The following ANK2 variants were observed in gnomAD, a reference collection of about 807,000 sequenced individuals.
ANK2 encodes ankyrin-2.
ANK2 carries 83 observed loss-of-function variants against 360.5 expected under a neutral mutation model. That is an observed-to-expected ratio of 0.23 (90% CI 0.19 to 0.28). ANK2 has a LOEUF of 0.28. Among genes scored for constraint, ANK2 ranks in the 10% least tolerant of loss-of-function variants. The pLI, the probability that ANK2 is intolerant of heterozygous loss-of-function variation, is 1.00. For missense variants in ANK2, 4,201 were observed against 4,795.7 expected, an observed-to-expected ratio of 0.88 and a Z score of 3.66; for synonymous variants, 1,740 against 1,759.5, an observed-to-expected ratio of 0.99 and a Z score of 0.28.
intron 1 of ANK2, among the ~76,000 whole-genome samples, chr4:113,148,628 A>G (rs370326012): frequency 6.6e-6 from 1 of 152,210 alleles, no homozygotes; most frequent in African/African-American, 2.4e-5. Context: ...TCAAAAGGTA[A>G]TAAGTCAATC....
chr4:112,840,766 C>T (rs112923483), intron 1 of ANK2, among the ~76,000 whole-genome samples: 2 of 152,188 alleles, frequency 1.3e-5, no homozygotes, highest in Non-Finnish European at 2.9e-5. Flanking sequence ...GTAGCATCAT[C>T]CTCATTTTAC....
intron 2 of ANK2, among the ~76,000 whole-genome samples, chr4:113,175,147 T>C (rs772615222): frequency 2.0e-5 from 3 of 152,168 alleles, no homozygotes; most frequent in African/African-American, 7.2e-5. Flanking sequence ...TTCACTTCAA[T>C]GCTAAATGTT....
chr4:113,223,897 C>T (rs1393122087), intron 4 of ANK2, among the ~76,000 whole-genome samples: 1 of 152,216 alleles, frequency 6.6e-6, no homozygotes, highest in Non-Finnish European at 1.5e-5. Context: ...GAAGGCCTTT[C>T]TAGGGCTAGA....
chr4:113,376,912 G>T (rs1589414103), intron 45 of ANK2, among the ~76,000 whole-genome samples: 1 of 135,768 alleles, frequency 7.4e-6, no homozygotes, highest in African/African-American at 2.7e-5. Flanking sequence ...TCCACATATT[G>T]TCCCACTGGA....
At chr4:112,803,494 A>G in the ANK2 span, among the ~76,000 whole-genome samples, 2 of 152,116 alleles carry the variant, frequency 1.3e-5, no homozygotes, top group Non-Finnish European at 2.9e-5. Context: ...ATGCGGTCAC[A>G]AGTCAAAGAA....
chr4:113,117,475 C>G, intron 1 of ANK2: 1 of 447,730 alleles, frequency 2.2e-6, no homozygotes, highest in Admixed American at 2.4e-5. Flanking sequence ...GCACCATCAG[C>G]CTCAGAACTG....
intron 9 of ANK2, among the ~76,000 whole-genome samples, chr4:113,247,502 C>T (rs748462784): frequency 1.3e-5 from 2 of 152,132 alleles, no homozygotes; most frequent in African/African-American, 4.8e-5. Flanking sequence ...CATAAAGCTC[C>T]TGTTGTTACT....
At position 113,106,937 on chromosome 4, in the gene ANK2, A is replaced by G. The variant is rs1460228026; in HGVS notation, c.84+57125A>G. 7.5e-6 allele frequency: 4 copies of G among 532,804 alleles called. No individual in the cohort carries two copies. The Admixed American group carries it at 7.8e-5, about 10-fold the overall frequency. The allele number at this position is 532,804 out of a possible 1,614,324, so 33.0% of individuals were successfully genotyped here. A position where few individuals can be genotyped will look rare whatever the true frequency, so the allele number is the denominator to read the frequency against. ...ATTTATTACTTTGCTTTGGTAATAA[A>G]TCTATTTTTAAAAGAACCTATTACA... On this transcript the variant is annotated intron_variant, in intron 1 of 45. Coordinates refer to ENST00000357077, the MANE Select transcript of ANK2 (RefSeq NM_001148.6).
intron 2 of ANK2, among the ~76,000 whole-genome samples, chr4:113,023,828 C>A (rs1430979232): frequency 1.3e-5 from 2 of 151,830 alleles, no homozygotes; most frequent in African/African-American, 4.9e-5. Context: ...AATGAATTTT[C>A]TTCACGAGAA....
intron 2 of ANK2, among the ~76,000 whole-genome samples, chr4:112,935,958 C>G (rs2093684381): frequency 6.6e-6 from 1 of 152,124 alleles, no homozygotes; most frequent in South Asian, 2.1e-4. Flanking sequence ...GAAAGACATA[C>G]AGAAATTAAA....
At chr4:113,145,723 A>G in intron 1 of ANK2, 1 of 1,142,822 alleles carries the variant, frequency 8.8e-7, no homozygotes, top group Non-Finnish European at 1.1e-6. Flanking sequence ...AGATGGGGAG[A>G]ACTGGTGAGG....
intron 23 of ANK2, among the ~76,000 whole-genome samples, chr4:113,310,424 CTT>C (rs566178913): frequency 6.9e-6 from 1 of 144,598 alleles, no homozygotes. Flanking sequence ...TATAAGCAGA[CTT>C]TTTTTTTTTT....
upstream of ANK2, among the ~76,000 whole-genome samples, chr4:113,048,763 C>G (rs1399199962): frequency 1.3e-5 from 2 of 151,888 alleles, no homozygotes; most frequent in Admixed American, 6.6e-5. Context: ...GTTAAGAAAA[C>G]TTTTGAGATA....
rs142768210 is a variant in ANK2 at position 113,004,407 on chromosome 4, A to G, written c.21+99893A>G. On this transcript the variant is annotated intron_variant, in intron 2 of 30. Coordinates refer to the ANK2 transcript ENST00000503271. ...TTTTGTTTTTAATTTTTTTTTCTTA[A>G]ACAAAGACACAAACACCCACAGTAG... Among the ~76,000 whole-genome samples, 1,166 of 151,922 alleles carry G rather than the reference A, an allele frequency of 7.7e-3. 17 individuals are homozygous for G. The highest frequency in any genetic ancestry group is 0.027 in the African/African-American group (1,117 of 41,426).
chr4:113,240,729 T>G, intron 8 of ANK2, 146 bp downstream of exon 8: 4 of 723,156 alleles, frequency 5.5e-6, no homozygotes, highest in Non-Finnish European at 9.2e-6. Context: ...TTTCATTTCC[T>G]TTCTTTAAAT....
intron 26 of ANK2, chr4:113,323,846 C>G (rs1006462451): frequency 5.2e-6 from 8 of 1,540,950 alleles, no homozygotes; most frequent in Non-Finnish European, 7.1e-6. Flanking sequence ...TCCTCTCCCC[C>G]TTTCGCCATC....
At chr4:112,771,493 G>A in the ANK2 span, among the ~76,000 whole-genome samples, 44,821 of 152,052 alleles carry the variant, frequency 0.29, 6,765 homozygotes, top group East Asian at 0.35. Context: ...AATTAGAACT[G>A]AATGTTTTTA....
rs2154377192 is a variant in ANK2, at chr4:113,129,994, A to G, written c.85-44422A>G. On this transcript the variant is annotated intron_variant, in intron 1 of 45. Transcript: ENST00000357077. The stretch of plus-strand genomic sequence containing the variant: ...TTATTTAGTTTGAATTACTTAGATA[A>G]CTGTCTCTTCTTCCACTTCTTTTTG... 2.0e-5 allele frequency among the ~76,000 whole-genome samples: 3 copies of G among 152,316 alleles called. No homozygotes were observed. The Middle Eastern group carries it at 0.01, about 518-fold the overall frequency.
intron 1 of ANK2, chr4:113,116,963 G>A (rs994204549): frequency 8.0e-6 from 2 of 249,348 alleles, no homozygotes; most frequent in African/African-American, 2.2e-5. Context: ...CCCAACTGCT[G>A]AAGAGCTGGA....
Sources: allele counts gnomAD v4.1 joint callset (sites outside exome capture counted in the v4.1 genomes callset), GRCh38; gene constraint gnomAD v4.1.1; transcripts MANE v1.5; gene names NCBI Gene and HGNC (gene_info 2026-07-23, HGNC 2026-07-21).